SPAG16: variants seen among roughly 807,000 people sequenced by gnomAD.
SPAG16 encodes the protein sperm associated antigen 16, also known as sperm-associated antigen 16 protein.
A neutral mutation model predicts 80.4 loss-of-function variants in SPAG16; 86 were observed. The observed-to-expected ratio is 1.07, with a 90% CI of 0.90 to 1.28. The LOEUF (loss-of-function observed/expected upper bound fraction) is 1.28. SPAG16 is among the 50% of genes most tolerant of loss of function. The pLI is 0.00. For synonymous variants in SPAG16, 294 were observed against 265.9 expected, an observed-to-expected ratio of 1.11 and a Z score of -1.03; for missense variants, 870 against 765.3, an observed-to-expected ratio of 1.14 and a Z score of -1.61.
chr2:213,738,796 G>A (rs1388747821), intron 10 of SPAG16, among the ~76,000 whole-genome samples: 1 of 152,034 alleles, frequency 6.6e-6, no homozygotes, highest in Non-Finnish European at 1.5e-5. Context: ...ACTTTTTAGG[G>A]GCTCCATTTG....
intron 11 of SPAG16, among the ~76,000 whole-genome samples, chr2:213,888,329 T>C (rs4673774): frequency 0.59 from 89,330 of 150,922 alleles, 28,285 homozygotes; most frequent in South Asian, 0.85. Flanking sequence ...TTCAGAGATT[T>C]ACTTAGAACT....
At chr2:213,548,500 T>TG (rs1277301954) in intron 10 of SPAG16, among the ~76,000 whole-genome samples, 2 of 152,210 alleles carry the variant, frequency 1.3e-5, no homozygotes, top group African/African-American at 4.8e-5. Flanking sequence ...CGTAAGCCAC[T>TG]GCGCCCGACC....
At chr2:213,911,459 C>G (rs1177933209) in intron 11 of SPAG16, among the ~76,000 whole-genome samples, 1 of 152,062 alleles carries the variant, frequency 6.6e-6, no homozygotes, top group Non-Finnish European at 1.5e-5. Flanking sequence ...GTTACAAGCT[C>G]TTATGTTTCT....
intron 10 of SPAG16, among the ~76,000 whole-genome samples, chr2:213,626,147 A>T (rs1402797950): frequency 6.6e-6 from 1 of 152,202 alleles, no homozygotes; most frequent in Non-Finnish European, 1.5e-5. Flanking sequence ...CAGAAGTTCC[A>T]TACAAAAAAG....
chr2:213,958,909 G>C (rs1017963902), intron 12 of SPAG16, among the ~76,000 whole-genome samples: 1 of 152,084 alleles, frequency 6.6e-6, no homozygotes, highest in Non-Finnish European at 1.5e-5. Context: ...TTACGCTGCA[G>C]GACTTTCTCG....
chr2:213,904,066 T>G (rs2077332647), intron 11 of SPAG16, among the ~76,000 whole-genome samples: 2 of 152,156 alleles, frequency 1.3e-5, no homozygotes, highest in African/African-American at 4.8e-5. Flanking sequence ...TCAAAGCCAT[T>G]CAAGTCTCTG....
At chr2:214,308,424 C>T (rs572188389) in intron 15 of SPAG16, among the ~76,000 whole-genome samples, 4 of 152,070 alleles carry the variant, frequency 2.6e-5, no homozygotes, top group Admixed American at 6.6e-5. Context: ...ATTTGACTCT[C>T]ATTATGGTGT....
intron 15 of SPAG16, among the ~76,000 whole-genome samples, chr2:214,291,340 C>G (rs1292066035): frequency 1.8e-5 from 2 of 108,204 alleles, no homozygotes; most frequent in African/African-American, 7.4e-5. Context: ...GAGTCTTGCT[C>G]TGTCGCCCAG....
chr2:214,078,583 G>A (rs552320644), intron 13 of SPAG16, among the ~76,000 whole-genome samples: 3 of 149,382 alleles, frequency 2.0e-5, no homozygotes, highest in African/African-American at 4.9e-5. Context: ...TTTTCTGTGT[G>A]TCTCTTAATT....
chr2:213,916,072 A>G (rs1458622873), intron 11 of SPAG16, among the ~76,000 whole-genome samples: 1 of 152,012 alleles, frequency 6.6e-6, no homozygotes, highest in East Asian at 1.9e-4. Flanking sequence ...TTGCCTGTTC[A>G]CTCTGATGAT....
At chr2:213,492,276 G>A (rs531241649) in intron 10 of SPAG16, among the ~76,000 whole-genome samples, 25 of 152,228 alleles carry the variant, frequency 1.6e-4, no homozygotes, top group African/African-American at 5.3e-4. Context: ...ACCAGTGGCC[G>A]GGTGTGGTGG....
chr2:214,293,042 G>T (rs1336488750), intron 15 of SPAG16, among the ~76,000 whole-genome samples: 2 of 152,202 alleles, frequency 1.3e-5, no homozygotes, highest in African/African-American at 4.8e-5. Flanking sequence ...CCCAGTGGTG[G>T]TAGTGGTGGG....
At chr2:213,687,653 CAT>C (rs1176234325) in intron 10 of SPAG16, among the ~76,000 whole-genome samples, 2 of 152,066 alleles carry the variant, frequency 1.3e-5, no homozygotes. Flanking sequence ...TTTGTAAAGG[CAT>C]ATGTTTTTTT....
At chr2:213,343,578 G>T (rs73987996) in intron 6 of SPAG16, among the ~76,000 whole-genome samples, 33 of 152,034 alleles carry the variant, frequency 2.2e-4, no homozygotes, top group African/African-American at 7.5e-4. Flanking sequence ...GAATTAGCAG[G>T]CAGGGACTTT....
At chr2:214,323,112 A>AT (rs1696218384) in intron 15 of SPAG16, among the ~76,000 whole-genome samples, 1 of 152,078 alleles carries the variant, frequency 6.6e-6, no homozygotes, top group Admixed American at 6.6e-5. Context: ...AAAGGTACCT[A>AT]TCCTGTTGAG....
At chr2:213,479,739 G>C (rs1201237140) in intron 9 of SPAG16, among the ~76,000 whole-genome samples, 1 of 152,132 alleles carries the variant, frequency 6.6e-6, no homozygotes, top group Non-Finnish European at 1.5e-5. Flanking sequence ...CCAGTGCTGA[G>C]CCTTATCTGC....
At chr2:214,337,638 A>G (rs767310266) in intron 15 of SPAG16, among the ~76,000 whole-genome samples, 7 of 152,160 alleles carry the variant, frequency 4.6e-5, no homozygotes, top group Non-Finnish European at 7.4e-5. Context: ...TTTTACAGGA[A>G]AGTGCATGGC....
chr2:214,386,127 C>A (rs1268770406), intron 15 of SPAG16, among the ~76,000 whole-genome samples: 1 of 152,192 alleles, frequency 6.6e-6, no homozygotes, highest in South Asian at 2.1e-4. Context: ...GCAATCCTAG[C>A]ACTTCGGGAG....
At chr2:214,075,004 A>T (rs982975973) in intron 13 of SPAG16, among the ~76,000 whole-genome samples, 1 of 152,206 alleles carries the variant, frequency 6.6e-6, no homozygotes, top group African/African-American at 2.4e-5. Flanking sequence ...AATAAATGGC[A>T]TAGCTTCATA....
Sources: gnomAD v4.1 joint callset for allele counts (sites outside exome capture counted in the v4.1 genomes callset) on GRCh38, gnomAD v4.1.1 for gene constraint, MANE v1.5 for transcripts, NCBI Gene and HGNC (gene_info 2026-07-23, HGNC 2026-07-21) for gene names.